Variants in SLC4A4 observed in about 807,000 individuals in gnomAD.
SLC4A4 encodes the protein solute carrier family 4 member 4.
Under a neutral mutation model 111.5 loss-of-function variants are expected in SLC4A4, and 27 were observed. The observed-to-expected ratio is 0.24, with a 90% confidence interval of 0.18 to 0.33. The LOEUF is 0.33. Ranked by LOEUF, SLC4A4 falls within the 10% of genes least tolerant of loss-of-function variation. SLC4A4 has a pLI of 1.00. For missense variants in SLC4A4, 909 were observed against 1,315.5 expected, an observed-to-expected ratio of 0.69 and a Z score of 4.78; for synonymous variants, 443 against 463.4, an observed-to-expected ratio of 0.96 and a Z score of 0.57.
intron 2 of SLC4A4, among the ~76,000 whole-genome samples, chr4:71,145,372 C>T (rs1459362612): frequency 3.3e-5 from 5 of 152,128 alleles, no homozygotes; most frequent in African/African-American, 4.8e-5. Flanking sequence ...AGGATTTTTG[C>T]ATCAATGTTT....
chr4:71,330,867 A>T (rs1053878557), intron 3 of SLC4A4, among the ~76,000 whole-genome samples: 51 of 152,172 alleles, frequency 3.4e-4, no homozygotes, highest in Non-Finnish European at 4.9e-4. Context: ...GAATCTACAA[A>T]GAACTCAAAC....
intron 2 of SLC4A4, among the ~76,000 whole-genome samples, chr4:71,251,649 A>G (rs1721079073): frequency 6.6e-6 from 1 of 152,220 alleles, no homozygotes; most frequent in Non-Finnish European, 1.5e-5. Context: ...CAGCACACCT[A>G]AATGAACACT....
intron 2 of SLC4A4, among the ~76,000 whole-genome samples, chr4:71,154,785 A>C (rs1202839146): frequency 6.6e-6 from 1 of 152,232 alleles, no homozygotes; most frequent in Non-Finnish European, 1.5e-5. Flanking sequence ...ATCTATGCCA[A>C]TTAAGGAAAG....
intron 5 of SLC4A4, among the ~76,000 whole-genome samples, chr4:71,354,496 A>ACCTT (rs1333519699): frequency 6.6e-6 from 1 of 152,218 alleles, no homozygotes; most frequent in African/African-American, 2.4e-5. Context: ...CCCATTGAAT[A>ACCTT]CCTTTCACAT....
chr4:71,518,469 G>T (rs990468580), intron 16 of SLC4A4, among the ~76,000 whole-genome samples: 4 of 152,010 alleles, frequency 2.6e-5, no homozygotes, highest in Admixed American at 2.6e-4. Context: ...TCTGCAGCAG[G>T]CCTGAAGTCT....
In SLC4A4 at chr4:71,395,002, A is replaced by C. The variant is rs570972846; in HGVS notation, c.731-2575A>C. On this transcript the variant is annotated intron_variant, in intron 6 of 25. Transcript: ENST00000264485. The stretch of plus-strand genomic sequence containing the variant: ...ATTGCTTGGGTGATGAGTGCATCAA[A>C]ATCTCACAAATCATCACTACAGAAC... 4.6e-5 allele frequency among the ~76,000 whole-genome samples: 7 copies of C among 152,296 alleles called. No homozygotes were observed. The South Asian group carries it at 1.5e-3, about 32-fold the overall frequency.
At chr4:71,080,431 G>T (rs1336064249) in intron 1 of SLC4A4, among the ~76,000 whole-genome samples, 1 of 152,022 alleles carries the variant, frequency 6.6e-6, no homozygotes, top group African/African-American at 2.4e-5. Flanking sequence ...GTAAGTAAGA[G>T]TGCCTGCGCT....
At chr4:71,371,842 T>A (rs1242021673) in intron 6 of SLC4A4, among the ~76,000 whole-genome samples, 1 of 152,190 alleles carries the variant, frequency 6.6e-6, no homozygotes, top group Non-Finnish European at 1.5e-5. Flanking sequence ...AACAAGGGTG[T>A]TGTACAATAC....
At chr4:71,282,732 G>A (rs983743239) in intron 3 of SLC4A4, among the ~76,000 whole-genome samples, 1 of 151,642 alleles carries the variant, frequency 6.6e-6, no homozygotes, top group Non-Finnish European at 1.5e-5. Flanking sequence ...ACAGGTGTGT[G>A]CCACCACATC....
chr4:71,130,087 C>T (rs893208165), intron 2 of SLC4A4, among the ~76,000 whole-genome samples: 1 of 152,100 alleles, frequency 6.6e-6, no homozygotes, highest in Admixed American at 6.5e-5. Flanking sequence ...TTGTGACATG[C>T]CATTTACCTA....
intron 2 of SLC4A4, among the ~76,000 whole-genome samples, chr4:71,124,223 A>T (rs1743505612): frequency 1.4e-5 from 2 of 148,032 alleles, no homozygotes; most frequent in Admixed American, 1.4e-4. Flanking sequence ...GCCAGGCTAG[A>T]GTGCAGTGGT....
At chr4:71,391,928 T>C (rs1418645727) in intron 6 of SLC4A4, among the ~76,000 whole-genome samples, 2 of 152,100 alleles carry the variant, frequency 1.3e-5, no homozygotes, top group Admixed American at 1.3e-4. Context: ...GACATTTTTC[T>C]CTAGCATCCT....
At chr4:71,362,832 G>A (rs574728787) in intron 6 of SLC4A4, among the ~76,000 whole-genome samples, 13 of 152,238 alleles carry the variant, frequency 8.5e-5, no homozygotes, top group African/African-American at 2.6e-4. Flanking sequence ...CAAGGAGAGC[G>A]GCTGGCTCCT....
Position 71,113,784 on chromosome 4 carries a change from G to A in SLC4A4, c.-2+20992G>A, listed in dbSNP as rs1405782027. 2.0e-5 allele frequency among the ~76,000 whole-genome samples: 3 copies of A among 152,054 alleles called. No homozygotes were observed. In the South Asian group the frequency reaches 6.2e-4, roughly 32 times the overall value. The stretch of plus-strand genomic sequence containing the variant: ...CTGGATTGGTATCCAAAGAGACATG[G>A]ATCACTCCTGAAAAATTAAATCTGT... On this transcript the variant is annotated intron_variant, in intron 2 of 26. Coordinates refer to the SLC4A4 transcript ENST00000649996.
At chr4:71,214,532 T>C (rs531578458) in intron 1 of SLC4A4, among the ~76,000 whole-genome samples, 62 of 152,322 alleles carry the variant, frequency 4.1e-4, no homozygotes, top group African/African-American at 1.4e-3. Context: ...CTATCCTACG[T>C]ACATAAAACT....
chr4:71,162,785 C>A (rs1487240115), intron 2 of SLC4A4, among the ~76,000 whole-genome samples: 1 of 152,110 alleles, frequency 6.6e-6, no homozygotes, highest in African/African-American at 2.4e-5. Flanking sequence ...TGTGGTCAAA[C>A]TTTTATTACG....
intron 16 of SLC4A4, among the ~76,000 whole-genome samples, chr4:71,522,976 A>AT (rs1328526508): frequency 2.0e-5 from 3 of 152,112 alleles, no homozygotes; most frequent in Non-Finnish European, 4.4e-5. Flanking sequence ...TTCTAGAACC[A>AT]TTTTTTTAAT....
chr4:71,166,385 T>G (rs1744743681), intron 2 of SLC4A4, among the ~76,000 whole-genome samples: 1 of 152,190 alleles, frequency 6.6e-6, no homozygotes, highest in Non-Finnish European at 1.5e-5. Context: ...GAAAGAACTA[T>G]CTTAATAACA....
rs1246341211 is a variant in SLC4A4, at chr4:71,450,211, A to G, written c.1054-178A>G. Among the ~76,000 whole-genome samples, 5 of 152,322 alleles carry G rather than the reference A, an allele frequency of 3.3e-5. No homozygotes were observed. The East Asian group carries it at 7.7e-4, about 24-fold the overall frequency. On this transcript the variant is annotated intron_variant, in intron 9 of 25. Coordinates refer to ENST00000264485, the MANE Select transcript of SLC4A4 (RefSeq NM_001098484.3). Reference sequence around the variant, plus strand: ...CAGGCCTCTGCCTCTATTCTTTGAAATCATAATCTGAATGCCTATATTTTC... The same window carrying G: ...CAGGCCTCTGCCTCTATTCTTTGAAGTCATAATCTGAATGCCTATATTTTC...
Sources: allele counts gnomAD v4.1 joint callset (sites outside exome capture counted in the v4.1 genomes callset), GRCh38; gene constraint gnomAD v4.1.1; transcripts MANE v1.5; gene names NCBI Gene and HGNC (gene_info 2026-07-23, HGNC 2026-07-21).